Variants in PSD observed in about 807,000 individuals in gnomAD.
The protein encoded by PSD is pleckstrin and Sec7 domain containing, also known as PH and SEC7 domain-containing protein 1.
Under a neutral mutation model 91.6 loss-of-function variants are expected in PSD, and 32 were observed. The observed-to-expected ratio is 0.35, with a 90% confidence interval of 0.26 to 0.47. The LOEUF is 0.47. Among genes scored for constraint, PSD ranks in the 20% least tolerant of loss-of-function variants. The pLI is 1.00. For synonymous variants in PSD, 532 were observed against 569.3 expected, an observed-to-expected ratio of 0.93 and a Z score of 0.93; for missense variants, 1,099 against 1,373.9, an observed-to-expected ratio of 0.80 and a Z score of 3.16.
chr10:102,410,801 C>T lies in PSD; in HGVS notation c.2091+57G>A, dbSNP rs2061417573. 22 of 1,359,910 alleles carry T rather than the reference C, an allele frequency of 1.6e-5. No homozygotes were observed. The Admixed American group carries it at 3.5e-4, about 22-fold the overall frequency. The allele number at this position is 1,359,910 out of a possible 1,614,324, so 84.2% of individuals were successfully genotyped here. ...CTCCCTCCGACTCTGGACTCCGTCG[C>T]CGACTGGGTCCTCCATCCTTCCCCT... On this transcript the variant is annotated intron_variant, in intron 10 of 16. Transcript: ENST00000020673. This position sits in a 1 kb window ranked among gnomAD's most constrained non-coding sequence, Gnocchi z 6.0.
intron 3 of PSD, 145 bp from the exon 4 acceptor site, chr10:102,415,374 G>C: frequency 9.9e-7 from 1 of 1,010,606 alleles, no homozygotes; most frequent in Non-Finnish European, 1.3e-6. Flanking sequence ...TACATACTTA[G>C]CTTGTTCCTG....
Position 102,404,845 on chromosome 10 carries a change from C to A in PSD, c.2555+53G>T. ...AAAAATCCAGGGACAGGGAGGGGAG[C>A]AGGATGGGAGGTGGGGGAAGGGGTC... On this transcript the variant is annotated intron_variant, in intron 14 of 16. Coordinates refer to ENST00000020673, the MANE Select transcript of PSD (RefSeq NM_002779.5). This position sits in a 1 kb window ranked among gnomAD's most constrained non-coding sequence, Gnocchi z 5.7. The A allele has an allele frequency of 1.3e-6, 2 of 1,594,032 alleles. No homozygotes were observed. The highest frequency in any genetic ancestry group is 8.6e-7 in the Non-Finnish European group (1 of 1,168,812).
chr10:102,409,245 G>A lies in PSD; in HGVS notation c.2091+1613C>T. The stretch of plus-strand genomic sequence containing the variant: ...GGCCCGGCTCTCACGGACGCACGGA[G>A]TGCGCGGCGGCGGCGGCGGCGCTGT... On this transcript the variant is annotated intron_variant, in intron 10 of 16. Transcript: ENST00000020673. This position sits in a 1 kb window ranked among gnomAD's most constrained non-coding sequence, Gnocchi z 5.7. The A allele has an allele frequency of 1.0e-6, 1 of 984,732 alleles. No individual in the cohort carries two copies. The allele number at this position is 984,732 out of a possible 1,614,324, so 61.0% of individuals were successfully genotyped here. A position where few individuals can be genotyped will look rare whatever the true frequency, so the allele number is the denominator to read the frequency against.
rs1031616691 is a variant in PSD at position 102,414,786 on chromosome 10, C to T, written c.1124+77G>A. ...CATCTCTATCCCAGGCCCTTTGAGC[C>T]CGGCTCTGCCTGTGGGCCAGTGCGA... is the stretch of plus-strand genomic sequence containing the variant. On this transcript the variant is annotated intron_variant, in intron 4 of 16. Transcript: ENST00000020673. This position sits in a 1 kb window ranked among gnomAD's most constrained non-coding sequence, Gnocchi z 5.6. 4.1e-6 allele frequency: 6 copies of T among 1,466,826 alleles called. No individual in the cohort carries two copies. In the South Asian group the frequency reaches 5.9e-5, roughly 14 times the overall value. 90.9% of individuals were successfully genotyped at this position (1,466,826 alleles called of 1,614,324 possible).
rs898726412 is a variant in PSD, at chr10:102,403,063, G to C, written c.*137C>G. 1.2e-4 allele frequency: 72 copies of C among 581,078 alleles called. No homozygotes were observed. The highest frequency in any genetic ancestry group is 1.2e-3 in the African/African-American group (61 of 49,470). 36.0% of individuals were successfully genotyped at this position (581,078 alleles called of 1,614,324 possible). On this transcript the variant is annotated 3_prime_UTR_variant, in exon 17 of 17. Coordinates refer to ENST00000020673, the MANE Select transcript of PSD (RefSeq NM_002779.5). This position sits in a 1 kb window ranked among gnomAD's most constrained non-coding sequence, Gnocchi z 6.7. ...GAGGCCCAGGCCCCAGCCCTGCCCT[G>C]CCCCGGACACCGCGTCCGGCGCGGT...
At chr10:102,406,553 G>C (rs557065127) in intron 11 of PSD, among the ~76,000 whole-genome samples, 2 of 150,792 alleles carry the variant, frequency 1.3e-5, no homozygotes, top group South Asian at 4.2e-4. Flanking sequence ...TGTCACCCAG[G>C]CTGGAGTGCA....
upstream of PSD, chr10:102,418,814 T>TCCCC: frequency 7.7e-6 from 2 of 258,132 alleles, no homozygotes; most frequent in Non-Finnish European, 7.7e-6. Context: ...TCTCAGTCCC[T>TCCCC]CCCCCTACCC....
At chr10:102,415,328 G>C in intron 3 of PSD, 99 bp from the exon 4 acceptor site, 1 of 1,384,828 alleles carries the variant, frequency 7.2e-7, no homozygotes, top group Non-Finnish European at 9.6e-7. Flanking sequence ...ATATTGACAG[G>C]AAGTTCTTTC....
At chr10:102,418,852 C>G, upstream of PSD, 1 of 347,060 alleles carries the variant, frequency 2.9e-6, no homozygotes, top group Non-Finnish European at 5.7e-6. Context: ...CAACGCTAAT[C>G]CCCCCCACCC....
chr10:102,405,447 C>T lies in PSD; in HGVS notation c.2225G>A (p.Gly742Asp). 6.2e-7 allele frequency: 1 copy of T among 1,614,024 alleles called. No homozygotes were observed. Among genetic ancestry groups the T allele is most frequent in the Non-Finnish European group, 8.5e-7 (1 of 1,180,012 alleles). ...AGTCAGGTCCAGGAAAGGGCTGGAG[C>T]CACTGCCACTGCCCCCGCTGATCCG... ...IKRISGGSGSGSSPFLDLTPE... is the reference protein window; with the variant it reads ...IKRISGGSGSDSSPFLDLTPE... Residue 742 changes from glycine (G) to aspartate (D), a missense_variant, in exon 12 of 17, where the codon GGC becomes GAC. Physicochemically the swap from Gly to Asp is moderately conservative, Grantham distance 94 (BLOSUM62 -1). This residue lies in a region of PSD where 358 missense variants were observed against 426.5 expected (regional missense o/e 0.84). Coordinates refer to ENST00000020673, the MANE Select transcript of PSD (RefSeq NM_002779.5). The surrounding 1 kb of genome is among the most constrained non-coding windows in gnomAD (Gnocchi z 5.4).
rs979953454 is a variant in PSD at position 102,416,185 on chromosome 10, G to A, written c.655-66C>T. 32 of 1,333,564 alleles carry A rather than the reference G, an allele frequency of 2.4e-5. No individual in the cohort carries two copies. The East Asian group carries it at 7.5e-4, about 31-fold the overall frequency. The allele number at this position is 1,333,564 out of a possible 1,614,324, so 82.6% of individuals were successfully genotyped here. On this transcript the variant is annotated intron_variant, in intron 2 of 16. Transcript: ENST00000020673. The surrounding 1 kb of genome is among the most constrained non-coding windows in gnomAD (Gnocchi z 6.0). ...CAGACATACAAGGACACAAGAATAT[G>A]GGACAGAAACAGAAATTAAAACATG... is the stretch of plus-strand genomic sequence containing the variant.
At chr10:102,419,593 AGGGGTCTGTTC>A (rs2061532019), upstream of PSD, 1 of 155,120 alleles carries the variant, frequency 6.4e-6, no homozygotes, top group African/African-American at 2.4e-5. This position sits in a 1 kb window ranked among gnomAD's most constrained non-coding sequence, Gnocchi z 4.8. Context: ...GGAAGGAAGA[AGGGGTCTGTTC>A]GGGCAGTCAG....
chr10:102,412,489 A>G lies in PSD; in HGVS notation c.1640T>C (p.Leu547Ser). 1 of 1,614,064 alleles carries G rather than the reference A, an allele frequency of 6.2e-7. No individual in the cohort carries two copies. Among genetic ancestry groups the G allele is most frequent in the Non-Finnish European group, 8.5e-7 (1 of 1,180,034 alleles). The change falls in exon 6 of 17, where the codon TTG becomes TCG. Residue 547 changes from leucine (L) to serine (S), a missense_variant. Physicochemically the swap from Leu to Ser is moderately radical, Grantham distance 145. Coordinates refer to ENST00000020673, the MANE Select transcript of PSD (RefSeq NM_002779.5). Reference sequence around the variant, plus strand: ...CAGGTCCGCTTTCTGCCCATTGGACAAGGTGTCTGTGCTTCCCAGGGCCAG... The same window carrying G: ...CAGGTCCGCTTTCTGCCCATTGGACGAGGTGTCTGTGCTTCCCAGGGCCAG... ...ERLALGSTDTLSNGQKADLEA... is the reference protein window; with the variant it reads ...ERLALGSTDTSSNGQKADLEA...
In PSD at chr10:102,404,744, G is replaced by A; in HGVS notation, c.2556-17C>T. 2 of 1,561,506 alleles carry A rather than the reference G, an allele frequency of 1.3e-6. No individual in the cohort carries two copies. Among genetic ancestry groups the A allele is most frequent in the Middle Eastern group, 1.7e-4 (1 of 5,806 alleles). ...TCCAGGCTCCTGGGGAGAAAGCACA[G>A]CCCTTTGGGACCTGGGCCCAGGGTT... On this transcript the variant is annotated splice_polypyrimidine_tract_variant and intron_variant, in intron 14 of 16. Coordinates refer to ENST00000020673, the MANE Select transcript of PSD (RefSeq NM_002779.5). The surrounding 1 kb of genome is among the most constrained non-coding windows in gnomAD (Gnocchi z 5.7).
At position 102,404,069 on chromosome 10, in the gene PSD, C is replaced by CGGG; in HGVS notation, c.2701-85_2701-84insCCC. 7.7e-7 allele frequency: 1 copy of CGGG among 1,302,288 alleles called. No individual in the cohort carries two copies. Among genetic ancestry groups the CGGG allele is most frequent in the Admixed American group, 2.7e-5 (1 of 36,602 alleles). The allele number at this position is 1,302,288 out of a possible 1,614,324, so 80.7% of individuals were successfully genotyped here. The stretch of plus-strand genomic sequence containing the variant: ...ATTTTTAAAAAGATACCCCTTCCAG[C>CGGG]CGGGCGCGGTGGCTCACGCCTGTAA... On this transcript the variant is annotated intron_variant, in intron 15 of 16. Transcript: ENST00000020673. The surrounding 1 kb of genome is among the most constrained non-coding windows in gnomAD (Gnocchi z 5.7).
rs2061341858 is a variant in PSD, at chr10:102,404,880, CAGG to C, written c.2555+15_2555+17del. 6.2e-7 allele frequency: 1 copy of C among 1,610,230 alleles called. No individual in the cohort carries two copies. Among genetic ancestry groups the C allele is most frequent in the Non-Finnish European group, 8.5e-7 (1 of 1,178,270 alleles). On this transcript the variant is annotated intron_variant, in intron 14 of 16. Transcript: ENST00000020673. The surrounding 1 kb of genome is among the most constrained non-coding windows in gnomAD (Gnocchi z 5.7). ...GGTGGGGGAAGGGGTCCGGGATGGG[CAGG>C]AGGAGGGCACTCACGGGGCCTGGAA...
At position 102,405,729 on chromosome 10, in the gene PSD, C is replaced by T; in HGVS notation, c.2136-193G>A. ...AGCTGTGCCTCCTCAGAGCAGGGCA[C>T]CTCCCTCAGAGCTCCCCAGCCTAGA... On this transcript the variant is annotated intron_variant, in intron 11 of 16. Coordinates refer to ENST00000020673, the MANE Select transcript of PSD (RefSeq NM_002779.5). This position sits in a 1 kb window ranked among gnomAD's most constrained non-coding sequence, Gnocchi z 5.4. The T allele has an allele frequency of 1.7e-6, 1 of 598,700 alleles. No homozygotes were observed. Among genetic ancestry groups the T allele is most frequent in the Non-Finnish European group, 2.9e-6 (1 of 340,358 alleles). 37.1% of individuals were successfully genotyped at this position (598,700 alleles called of 1,614,324 possible). A position where few individuals can be genotyped will look rare whatever the true frequency, so the allele number is the denominator to read the frequency against.
rs1589882282 is a variant in PSD, at chr10:102,405,645, G to C, written c.2136-109C>G. On this transcript the variant is annotated intron_variant, in intron 11 of 16. Transcript: ENST00000020673. This position sits in a 1 kb window ranked among gnomAD's most constrained non-coding sequence, Gnocchi z 5.4. The stretch of plus-strand genomic sequence containing the variant: ...GCTCCCCCAGTGTTTGTGGCTTGGG[G>C]GGCTCAACCTGAGGGTCCTGCCATG... 25 of 1,047,690 alleles carry C rather than the reference G, an allele frequency of 2.4e-5. No individual in the cohort carries two copies. The East Asian group carries it at 6.5e-4, about 27-fold the overall frequency. 64.9% of individuals were successfully genotyped at this position (1,047,690 alleles called of 1,614,324 possible). A position where few individuals can be genotyped will look rare whatever the true frequency, so the allele number is the denominator to read the frequency against.
intron 10 of PSD, chr10:102,408,926 C>G: frequency 3.0e-6 from 3 of 987,596 alleles, no homozygotes; most frequent in Non-Finnish European, 3.6e-6. Context: ...CTGCAGGCGG[C>G]TGACCACCAG....
Sources: allele counts gnomAD v4.1 joint callset (sites outside exome capture counted in the v4.1 genomes callset), GRCh38; gene constraint gnomAD v4.1.1; regional missense constraint gnomAD v4.1.1; non-coding constraint Gnocchi (gnomAD v3.1); transcripts MANE v1.5; gene names NCBI Gene and HGNC (gene_info 2026-07-23, HGNC 2026-07-21).